CPLANE1: variants seen among roughly 807,000 people sequenced by gnomAD.
CPLANE1 encodes the protein ciliogenesis and planar polarity effector complex subunit 1.
Under a neutral mutation model 362.5 loss-of-function variants are expected in CPLANE1, and 263 were observed. The observed-to-expected ratio is 0.73, with a 90% CI of 0.66 to 0.80. CPLANE1 has a LOEUF of 0.80. CPLANE1 is among the 30% of genes least tolerant of loss of function. The pLI is 0.00. For missense variants in CPLANE1, 3,461 were observed against 3,793.4 expected (o/e 0.91, Z 2.30); for synonymous variants, 1,212 against 1,302.6 (o/e 0.93, Z 1.50).
chr5:37,244,411 T>C lies in CPLANE1; in HGVS notation c.534A>G (p.Lys178=). 6.4e-7 allele frequency: 1 copy of C among 1,550,854 alleles called. No homozygotes were observed. Among genetic ancestry groups the C allele is most frequent in the South Asian group, 1.2e-5 (1 of 83,788 alleles). The change falls in exon 5 of 53, where the codon AAA becomes AAG. Residue 178 remains lysine (K), a synonymous_variant. Transcript: ENST00000651892. Reference sequence around the variant, plus strand: ...TAAAAACAGCATTCACTACAGCTTCTTTATCTTCGGTGGAAGGCAAGAGAA... The same window carrying C: ...TAAAAACAGCATTCACTACAGCTTCCTTATCTTCGGTGGAAGGCAAGAGAA... ...EAVLLPSTED[K]EAVVNAVFIK...
intron 21 of CPLANE1, among the ~76,000 whole-genome samples, chr5:37,191,173 T>C (rs1025334960): frequency 2.6e-5 from 4 of 152,094 alleles, no homozygotes; most frequent in Admixed American, 2.6e-4. Context: ...ATGAATATGT[T>C]GTGTCTTAGT....
In CPLANE1 at chr5:37,120,348, A is replaced by G. The variant is rs1206424161; in HGVS notation, c.9186-8T>C. 4 of 1,553,556 alleles carry G rather than the reference A, an allele frequency of 2.6e-6. No homozygotes were observed. The highest frequency in any genetic ancestry group is 3.5e-6 in the Non-Finnish European group (4 of 1,157,740). On this transcript the variant is annotated splice_region_variant and splice_polypyrimidine_tract_variant and intron_variant, in intron 49 of 52. Transcript: ENST00000651892. ...TGACCATGTTGATTCTCTCTATAGTAGAAATCACATAATTATTACATTCCC... is the reference window on the plus strand; with the variant it reads ...TGACCATGTTGATTCTCTCTATAGTGGAAATCACATAATTATTACATTCCC...
At chr5:37,183,899 C>A (rs1037848801) in intron 25 of CPLANE1, among the ~76,000 whole-genome samples, 200 bp from the exon 26 acceptor site, 2 of 149,718 alleles carry the variant, frequency 1.3e-5, no homozygotes, top group East Asian at 3.9e-4. Flanking sequence ...ACTATGAGAT[C>A]AAAAAAAAAT....
chr5:37,120,428 G>A (rs1762309753), intron 49 of CPLANE1, 88 bp from the exon 50 acceptor site: 1 of 1,194,474 alleles, frequency 8.4e-7, no homozygotes, highest in East Asian at 2.8e-5. Context: ...AATTAAGCTG[G>A]GCACAGTAGT....
In CPLANE1 at chr5:37,149,532, A is replaced by C. The variant is rs1772849825; in HGVS notation, c.8374-1264T>G. Among the ~76,000 whole-genome samples the C allele has an allele frequency of 2.6e-5, 4 of 152,172 alleles. 1 individual carries two copies. The highest frequency in any genetic ancestry group is 2.6e-4 in the Admixed American group (4 of 15,270). On this transcript the variant is annotated intron_variant, in intron 42 of 52. Coordinates refer to ENST00000651892, the MANE Select transcript of CPLANE1 (RefSeq NM_001384732.1). ...ATTTGGTTGAACTGTCAGATGCAGA[A>C]CCCATGGATATAGAGGGCCGACTGT...
intron 23 of CPLANE1, among the ~76,000 whole-genome samples, chr5:37,187,147 T>C (rs1422514183): frequency 6.6e-6 from 1 of 150,910 alleles, no homozygotes; most frequent in Non-Finnish European, 1.5e-5. Flanking sequence ...AACTGAAAGG[T>C]TGTACCCTTT....
the CPLANE1 span, among the ~76,000 whole-genome samples, chr5:37,097,658 A>G: frequency 6.6e-6 from 1 of 152,244 alleles, no homozygotes; most frequent in Non-Finnish European, 1.5e-5. Flanking sequence ...ATTTCTCACC[A>G]GAAACTTTAC....
rs991467970 is a variant in CPLANE1 at position 37,231,101 on chromosome 5, T to C, written c.939-52A>G. 55 of 1,339,894 alleles carry C rather than the reference T, an allele frequency of 4.1e-5. No homozygotes were observed. The South Asian group carries it at 5.7e-4, about 14-fold the overall frequency. 83.0% of individuals were successfully genotyped at this position (1,339,894 alleles called of 1,614,324 possible). A position where few individuals can be genotyped will look rare whatever the true frequency, so the allele number is the denominator to read the frequency against. Reference sequence around the variant, plus strand: ...TAGAAGAGATACTTTACAATGTCTATGACGATTTAAAATGGGCTGTACCAA... The same window carrying C: ...TAGAAGAGATACTTTACAATGTCTACGACGATTTAAAATGGGCTGTACCAA... On this transcript the variant is annotated intron_variant, in intron 8 of 52. Coordinates refer to ENST00000651892, the MANE Select transcript of CPLANE1 (RefSeq NM_001384732.1).
Position 37,184,788 on chromosome 5 carries a change from CT to C in CPLANE1, c.4480del (p.Arg1494GlufsTer9). 1 of 1,607,804 alleles carries C rather than the reference CT, an allele frequency of 6.2e-7. No individual in the cohort carries two copies. The highest frequency in any genetic ancestry group is 8.5e-7 in the Non-Finnish European group (1 of 1,177,428). On this transcript the variant is annotated frameshift_variant and splice_region_variant, in exon 25 of 53. Coordinates refer to ENST00000651892, the MANE Select transcript of CPLANE1 (RefSeq NM_001384732.1). ...EEKSRINIYQRNAPNHMELTS... is the reference protein window; with the variant it reads ...EEKSRINIYQXNAPNHMELTS... ...AGTGATTAAAAGATCTCAATTGTAC[CT>C]TTGATAGATATTTATCCTACTTTTT...
chr5:37,196,447 ATG>A (rs1787473709), intron 20 of CPLANE1, among the ~76,000 whole-genome samples: 1 of 152,214 alleles, frequency 6.6e-6, no homozygotes, highest in African/African-American at 2.4e-5. Context: ...GCCCCTAATA[ATG>A]ACTCTAGGCA....
At chr5:37,207,177 A>G (rs1390740049) in intron 16 of CPLANE1, among the ~76,000 whole-genome samples, 1 of 152,228 alleles carries the variant, frequency 6.6e-6, no homozygotes, top group South Asian at 2.1e-4. Context: ...AAATGTTATT[A>G]AAAAATACAT....
chr5:37,095,796 G>A, the CPLANE1 span, among the ~76,000 whole-genome samples: 1 of 152,106 alleles, frequency 6.6e-6, no homozygotes, highest in African/African-American at 2.4e-5. Flanking sequence ...CAACCAAGCT[G>A]AGAAACAAAT....
At chr5:37,113,016 C>A (rs1217714045) in intron 51 of CPLANE1, among the ~76,000 whole-genome samples, 1 of 152,174 alleles carries the variant, frequency 6.6e-6, no homozygotes, top group Non-Finnish European at 1.5e-5. Flanking sequence ...TTGAACTAGA[C>A]ATTGCTAGAT....
At chr5:37,223,776 G>A (rs955305326) in intron 14 of CPLANE1, among the ~76,000 whole-genome samples, 1 of 151,958 alleles carries the variant, frequency 6.6e-6, no homozygotes, top group African/African-American at 2.4e-5. Flanking sequence ...CTCGCTCCAT[G>A]TTTCTCTAAG....
chr5:37,165,445 A>C, intron 36 of CPLANE1, 94 bp downstream of exon 36: 1 of 1,226,988 alleles, frequency 8.2e-7, no homozygotes, highest in Non-Finnish European at 1.2e-6. Context: ...TCACAGTCAG[A>C]AGCTCCCAGC....
At chr5:37,233,466 G>C (rs1798206438) in intron 8 of CPLANE1, among the ~76,000 whole-genome samples, 2 of 151,940 alleles carry the variant, frequency 1.3e-5, no homozygotes, top group Admixed American at 6.6e-5. Flanking sequence ...GGCTGAGTTT[G>C]GGTTGAGGTG....
At chr5:37,168,302 T>C (rs1778849716) in intron 34 of CPLANE1, among the ~76,000 whole-genome samples, 1 of 152,194 alleles carries the variant, frequency 6.6e-6, no homozygotes, top group Admixed American at 6.5e-5. Context: ...TCAAACAATA[T>C]GTGTGCTCAC....
chr5:37,166,274 G>A (rs1004198868), intron 35 of CPLANE1, among the ~76,000 whole-genome samples: 1 of 152,188 alleles, frequency 6.6e-6, no homozygotes, highest in Non-Finnish European at 1.5e-5. Context: ...TCACAGCCTT[G>A]CTTTTCACAT....
Position 37,187,570 on chromosome 5 carries a change from G to A in CPLANE1, c.3924C>T (p.Asp1308=). ...KARENVKGEK[D]LEVEFDSCMI... ...TACAAGAATCAAACTCCACTTCAAG[G>A]TCCTAAAAGGATATTGAAAAACATT... Residue 1308 remains aspartate, a splice_region_variant and synonymous_variant, in exon 23 of 53, where the codon GAC becomes GAT. Coordinates refer to ENST00000651892, the MANE Select transcript of CPLANE1 (RefSeq NM_001384732.1). The A allele has an allele frequency of 6.2e-7, 1 of 1,601,320 alleles. No individual in the cohort carries two copies. The highest frequency in any genetic ancestry group is 8.5e-7 in the Non-Finnish European group (1 of 1,175,324).
Sources: gnomAD v4.1 joint callset for allele counts (sites outside exome capture counted in the v4.1 genomes callset) on GRCh38, gnomAD v4.1.1 for gene constraint, MANE v1.5 for transcripts, NCBI Gene and HGNC (gene_info 2026-07-23, HGNC 2026-07-21) for gene names.